DOK6: variants seen among roughly 807,000 people sequenced by gnomAD.
The protein encoded by DOK6 is downstream of tyrosine kinase 6.
Under a neutral mutation model 44.0 loss-of-function variants are expected in DOK6, and 22 were observed. The observed-to-expected ratio is 0.50, with a 90% CI of 0.36 to 0.71. DOK6 has a LOEUF of 0.71. Ranked by LOEUF, DOK6 falls within the 30% of genes least tolerant of loss-of-function variation. The probability of loss-of-function intolerance (pLI) is 0.00; values close to 1 mark genes in which losing one functional copy is unlikely to be tolerated. For synonymous variants in DOK6, 166 were observed against 145.5 expected (o/e 1.14, Z -1.01); for missense variants, 340 against 416.4 (o/e 0.82, Z 1.60).
At chr18:69,673,264 CTG>C (rs1353605387) in intron 3 of DOK6, among the ~76,000 whole-genome samples, 2 of 151,726 alleles carry the variant, frequency 1.3e-5, no homozygotes, top group African/African-American at 4.8e-5. Context: ...CTTTTTCACT[CTG>C]TTTTCAAATG....
chr18:69,718,948 G>A (rs1472095100), intron 5 of DOK6, among the ~76,000 whole-genome samples: 2 of 152,042 alleles, frequency 1.3e-5, no homozygotes, highest in Admixed American at 6.6e-5. Context: ...GAATTTGGTA[G>A]TATAATATCA....
At chr18:69,817,735 T>C (rs1056178665) in intron 7 of DOK6, among the ~76,000 whole-genome samples, 1 of 152,150 alleles carries the variant, frequency 6.6e-6, no homozygotes, top group East Asian at 1.9e-4. Flanking sequence ...CTTCAACATA[T>C]GCATTTTGGA....
chr18:69,510,535 C>G (rs1345724394), intron 1 of DOK6, among the ~76,000 whole-genome samples: 1 of 151,430 alleles, frequency 6.6e-6, no homozygotes, highest in Non-Finnish European at 1.5e-5. Context: ...AAACAGAGCG[C>G]CAAATGTTTT....
At chr18:69,533,098 A>G (rs1047304384) in intron 1 of DOK6, among the ~76,000 whole-genome samples, 2 of 152,176 alleles carry the variant, frequency 1.3e-5, no homozygotes, top group Non-Finnish European at 2.9e-5. Flanking sequence ...AAAAAATATC[A>G]CATTTAGATG....
intron 7 of DOK6, among the ~76,000 whole-genome samples, chr18:69,818,259 T>A (rs1405645825): frequency 6.6e-6 from 1 of 152,160 alleles, no homozygotes; most frequent in East Asian, 1.9e-4. Flanking sequence ...CTTCACATCT[T>A]GAGACATCTC....
At chr18:69,505,046 A>G (rs1461401601) in intron 1 of DOK6, among the ~76,000 whole-genome samples, 4 of 152,152 alleles carry the variant, frequency 2.6e-5, no homozygotes, top group African/African-American at 9.7e-5. Flanking sequence ...GTAACTTGTG[A>G]CTTCCTACTC....
intron 1 of DOK6, among the ~76,000 whole-genome samples, chr18:69,417,184 C>T (rs1978363222): frequency 6.6e-6 from 1 of 152,078 alleles, no homozygotes; most frequent in African/African-American, 2.4e-5. Flanking sequence ...ATCCTTCTAT[C>T]TAACTGTATT....
rs144039889 is a variant in DOK6 at position 69,840,326 on chromosome 18, C to T, written c.857-918C>T. 1.3e-3 allele frequency among the ~76,000 whole-genome samples: 193 copies of T among 152,354 alleles called. 3 individuals carry two copies. The highest frequency in any genetic ancestry group is 4.6e-3 in the African/African-American group (190 of 41,584). On this transcript the variant is annotated intron_variant, in intron 7 of 7. Coordinates refer to ENST00000382713, the MANE Select transcript of DOK6 (RefSeq NM_152721.6). ...ATGACTTACTACATCTATTTTTCTT[C>T]TCCCTCTAAGCTCATCCATTAGATA...
chr18:69,524,000 A>G (rs2144566883), intron 1 of DOK6, among the ~76,000 whole-genome samples: 1 of 152,144 alleles, frequency 6.6e-6, no homozygotes, highest in East Asian at 1.9e-4. Context: ...CTTCCATCTG[A>G]GATTTTCAGC....
intron 7 of DOK6, among the ~76,000 whole-genome samples, chr18:69,776,861 A>G (rs1233288041): frequency 6.6e-6 from 1 of 152,016 alleles, no homozygotes; most frequent in East Asian, 1.9e-4. Flanking sequence ...TCTGTATTAG[A>G]CATGACATCA....
At chr18:69,480,921 C>T (rs1056404269) in intron 1 of DOK6, among the ~76,000 whole-genome samples, 28 of 152,182 alleles carry the variant, frequency 1.8e-4, no homozygotes, top group South Asian at 2.1e-4. Context: ...GAAGAACTCA[C>T]ATACGGTCCT....
At chr18:69,509,595 G>A (rs547959306) in intron 1 of DOK6, among the ~76,000 whole-genome samples, 116 of 132,868 alleles carry the variant, frequency 8.7e-4, no homozygotes, top group Non-Finnish European at 1.1e-3. Context: ...CCGAGATCGC[G>A]CCGCTGCACT....
intron 1 of DOK6, among the ~76,000 whole-genome samples, chr18:69,482,491 T>A (rs1298834503): frequency 6.6e-6 from 1 of 152,040 alleles, no homozygotes; most frequent in Non-Finnish European, 1.5e-5. Flanking sequence ...ACTTCATGTA[T>A]GTTTGTATCC....
chr18:69,733,824 C>T (rs992042836), intron 5 of DOK6, among the ~76,000 whole-genome samples: 10 of 152,162 alleles, frequency 6.6e-5, no homozygotes, highest in South Asian at 6.2e-4. Flanking sequence ...ATTATTATTA[C>T]GACTATTACT....
chr18:69,702,527 C>A (rs1986545839), intron 5 of DOK6, among the ~76,000 whole-genome samples: 1 of 152,190 alleles, frequency 6.6e-6, no homozygotes, highest in African/African-American at 2.4e-5. Flanking sequence ...CACTTGGCAG[C>A]CATCATTTGG....
intron 7 of DOK6, among the ~76,000 whole-genome samples, chr18:69,791,530 C>T (rs551999941): frequency 1.2e-3 from 185 of 152,242 alleles, no homozygotes; most frequent in Non-Finnish European, 2.3e-3. Context: ...TTTCATACAC[C>T]TGTTTGCCAT....
chr18:69,613,877 T>G (rs1206206899), intron 3 of DOK6, among the ~76,000 whole-genome samples: 5 of 151,532 alleles, frequency 3.3e-5, no homozygotes, highest in African/African-American at 1.2e-4. Flanking sequence ...GAATAAATTC[T>G]TCCACATGAA....
chr18:69,809,587 CA>C, intron 7 of DOK6, among the ~76,000 whole-genome samples: 1 of 150,528 alleles, frequency 6.6e-6, no homozygotes, highest in East Asian at 1.9e-4. Flanking sequence ...CACACACACA[CA>C]CACACACAAA....
intron 4 of DOK6, among the ~76,000 whole-genome samples, chr18:69,695,699 G>T (rs1459783079): frequency 6.6e-6 from 1 of 152,170 alleles, no homozygotes; most frequent in Non-Finnish European, 1.5e-5. Context: ...TTTTCTGCTG[G>T]ATTAAATTTG....
Sources: allele counts gnomAD v4.1 joint callset (sites outside exome capture counted in the v4.1 genomes callset), GRCh38; gene constraint gnomAD v4.1.1; transcripts MANE v1.5; gene names NCBI Gene and HGNC (gene_info 2026-07-23, HGNC 2026-07-21).